Variants in ST6GALNAC5 observed in about 807,000 individuals in gnomAD.
The protein encoded by ST6GALNAC5 is ST6 N-acetylgalactosaminide alpha-2,6-sialyltransferase 5.
ST6GALNAC5 carries 27 observed loss-of-function variants against 33.6 expected under a neutral mutation model. That is an observed-to-expected ratio of 0.80 (90% CI 0.59 to 1.11). ST6GALNAC5 has a LOEUF of 1.11. Among genes scored for constraint, ST6GALNAC5 ranks in the 50% least tolerant of loss-of-function variants. The pLI, the probability that ST6GALNAC5 is intolerant of heterozygous loss-of-function variation, is 0.00. For synonymous variants in ST6GALNAC5, 194 were observed against 171.2 expected, an observed-to-expected ratio of 1.13 and a Z score of -1.04; for missense variants, 428 against 454.0, an observed-to-expected ratio of 0.94 and a Z score of 0.52.
chr1:76,880,575 T>C (rs922580452), intron 2 of ST6GALNAC5, among the ~76,000 whole-genome samples: 3 of 152,120 alleles, frequency 2.0e-5, no homozygotes, highest in Non-Finnish European at 2.9e-5. Context: ...ATTGAAGAAC[T>C]TGGAGTCCAG....
At chr1:77,001,155 T>A (rs1402270568) in intron 2 of ST6GALNAC5, among the ~76,000 whole-genome samples, 1 of 148,350 alleles carries the variant, frequency 6.7e-6, no homozygotes, top group Non-Finnish European at 1.5e-5. Context: ...GTTTGTATCC[T>A]CTTTTATTTC....
intron 2 of ST6GALNAC5, among the ~76,000 whole-genome samples, chr1:76,954,163 T>A (rs1219530977): frequency 1.3e-5 from 2 of 152,032 alleles, no homozygotes; most frequent in African/African-American, 2.4e-5. Context: ...ACAAAAAAAA[T>A]GTGGTACATA....
At chr1:76,946,748 T>C (rs1380913978) in intron 2 of ST6GALNAC5, among the ~76,000 whole-genome samples, 5 of 152,154 alleles carry the variant, frequency 3.3e-5, no homozygotes, top group Non-Finnish European at 5.9e-5. Context: ...GGGCTTCTGC[T>C]TTTGTGTCTA....
intron 2 of ST6GALNAC5, among the ~76,000 whole-genome samples, chr1:76,881,369 G>A (rs1653775761): frequency 6.6e-6 from 1 of 152,082 alleles, no homozygotes; most frequent in Non-Finnish European, 1.5e-5. Context: ...AAAATCACAG[G>A]AATGCATAGT....
At chr1:76,870,031 A>T (rs1653463689) in intron 2 of ST6GALNAC5, among the ~76,000 whole-genome samples, 1 of 152,202 alleles carries the variant, frequency 6.6e-6, no homozygotes, top group Non-Finnish European at 1.5e-5. Context: ...AAAAAGGAGG[A>T]ATCAATTTCA....
intron 2 of ST6GALNAC5, among the ~76,000 whole-genome samples, chr1:77,034,977 G>C (rs548486160): frequency 6.6e-6 from 1 of 152,278 alleles, no homozygotes; most frequent in South Asian, 2.1e-4. Flanking sequence ...ATAGCCCCCT[G>C]AGGTTCCACT....
chr1:76,985,025 A>G (rs1351660186), intron 2 of ST6GALNAC5, among the ~76,000 whole-genome samples: 1 of 152,208 alleles, frequency 6.6e-6, no homozygotes, highest in Admixed American at 6.5e-5. Context: ...CAAAATAATA[A>G]GAACTATTTA....
chr1:76,990,466 CGCCTTCTCA>C (rs1215420340), intron 2 of ST6GALNAC5, among the ~76,000 whole-genome samples: 1 of 152,110 alleles, frequency 6.6e-6, no homozygotes, highest in Non-Finnish European at 1.5e-5. Context: ...GTGAAATGTG[CGCCTTCTCA>C]GCCTTCTGTC....
chr1:76,993,433 T>C (rs1649811796), intron 2 of ST6GALNAC5, among the ~76,000 whole-genome samples: 3 of 152,226 alleles, frequency 2.0e-5, no homozygotes, highest in African/African-American at 7.2e-5. Context: ...TTGGTACCCA[T>C]TAAACAGTTT....
chr1:76,982,997 A>C (rs1649320578), intron 2 of ST6GALNAC5, among the ~76,000 whole-genome samples: 1 of 152,036 alleles, frequency 6.6e-6, no homozygotes, highest in African/African-American at 2.4e-5. Context: ...GCTTTACAAG[A>C]GCTCCTGAAG....
intron 3 of ST6GALNAC5, 149 bp downstream of exon 3, chr1:77,044,762 G>A (rs1332763544): frequency 3.5e-5 from 32 of 901,754 alleles, no homozygotes; most frequent in South Asian, 6.8e-5. Flanking sequence ...GGTCCTCTGC[G>A]TGACTGGGCT....
intron 2 of ST6GALNAC5, among the ~76,000 whole-genome samples, chr1:76,978,116 G>C (rs1201946640): frequency 6.6e-6 from 1 of 152,012 alleles, no homozygotes; most frequent in African/African-American, 2.4e-5. Context: ...TTGACTATTT[G>C]TATGTATTCT....
At chr1:76,881,984 G>A (rs1653792816) in intron 2 of ST6GALNAC5, among the ~76,000 whole-genome samples, 1 of 152,176 alleles carries the variant, frequency 6.6e-6, no homozygotes. Flanking sequence ...ATTACCATAA[G>A]AGAAATTCAG....
At chr1:76,975,774 G>T (rs938497812) in intron 2 of ST6GALNAC5, among the ~76,000 whole-genome samples, 7 of 152,230 alleles carry the variant, frequency 4.6e-5, no homozygotes, top group African/African-American at 1.7e-4. Context: ...TATCATAAAA[G>T]TCAAAATATT....
At chr1:76,962,677 T>C (rs904814740) in intron 2 of ST6GALNAC5, among the ~76,000 whole-genome samples, 1 of 152,242 alleles carries the variant, frequency 6.6e-6, no homozygotes, top group African/African-American at 2.4e-5. Context: ...GTCTAGTGCA[T>C]GTGCACACAC....
rs114619835 is a variant in ST6GALNAC5 at position 76,936,039 on chromosome 1, G to C, written c.261+67297G>C. 6.5e-3 allele frequency among the ~76,000 whole-genome samples: 996 copies of C among 152,102 alleles called. 12 individuals are homozygous for C. The highest frequency in any genetic ancestry group is 0.023 in the African/African-American group (941 of 41,524). On this transcript the variant is annotated intron_variant, in intron 2 of 4. Transcript: ENST00000477717. ...AAGAACCAAGAATTAGCTCCTGTTT[G>C]ACTCCCCAAGCACTCTGAACCCTAG...
At chr1:76,973,671 C>A (rs1374491245) in intron 2 of ST6GALNAC5, among the ~76,000 whole-genome samples, 2 of 152,194 alleles carry the variant, frequency 1.3e-5, no homozygotes, top group East Asian at 3.9e-4. Flanking sequence ...GGAAGATCCA[C>A]CCCCACTCCA....
At chr1:76,985,058 A>G (rs1326022661) in intron 2 of ST6GALNAC5, among the ~76,000 whole-genome samples, 1 of 152,222 alleles carries the variant, frequency 6.6e-6, no homozygotes, top group African/African-American at 2.4e-5. Flanking sequence ...ACCCAATATC[A>G]TAGTGAATGA....
chr1:76,935,791 A>G (rs542705185), intron 2 of ST6GALNAC5, among the ~76,000 whole-genome samples: 2 of 152,118 alleles, frequency 1.3e-5, no homozygotes, highest in African/African-American at 2.4e-5. Context: ...TTTTGATGCA[A>G]TTCAATTCAA....
Sources: allele counts gnomAD v4.1 joint callset (sites outside exome capture counted in the v4.1 genomes callset), GRCh38; gene constraint gnomAD v4.1.1; transcripts MANE v1.5; gene names NCBI Gene and HGNC (gene_info 2026-07-23, HGNC 2026-07-21).